DUXA: variants seen among roughly 807,000 people sequenced by gnomAD.
DUXA encodes double homeobox protein A.
A neutral mutation model predicts 27.5 loss-of-function variants in DUXA; 25 were observed. The observed-to-expected ratio is 0.91, with a 90% CI of 0.66 to 1.27. DUXA has a LOEUF of 1.27. DUXA is among the 50% of genes most tolerant of loss of function. The pLI, the probability that DUXA is intolerant of heterozygous loss-of-function variation, is 0.00. For missense variants in DUXA, 247 were observed against 242.9 expected, an observed-to-expected ratio of 1.02 and a Z score of -0.11; for synonymous variants, 90 against 80.5, an observed-to-expected ratio of 1.12 and a Z score of -0.63.
intron 4 of DUXA, among the ~76,000 whole-genome samples, chr19:57,155,647 A>AGATAGATAGATAGATAGAT (rs1555757942): frequency 1.5e-3 from 28 of 19,224 alleles, no homozygotes; most frequent in Non-Finnish European, 2.2e-3. Context: ...GCCCAACCCA[A>AGATAGATAGATAGATAGAT]GATAGATAGA....
rs1320907864 is a variant in DUXA, at chr19:57,160,040, G to A, written c.180+603C>T. Among the ~76,000 whole-genome samples, 10 of 152,190 alleles carry A rather than the reference G, an allele frequency of 6.6e-5. No individual in the cohort carries two copies. The East Asian group carries it at 1.7e-3, about 27-fold the overall frequency. ...GAATCACTTGAACTTGGGAGGCGGG[G>A]GTTTCAGCAAGCCAAGATCACACCA... On this transcript the variant is annotated intron_variant, in intron 2 of 5. Transcript: ENST00000554048.
rs868121891 is a variant in DUXA, at chr19:57,165,544, G to T, written c.25+1875C>A. On this transcript the variant is annotated intron_variant, in intron 1 of 5. Transcript: ENST00000554048. The stretch of plus-strand genomic sequence containing the variant: ...ACCCTGGCCGGGCACGGTGGCTCAC[G>T]CCTGTAATCCCAGCACTTTGGGAGG... 2.7e-5 allele frequency among the ~76,000 whole-genome samples: 4 copies of T among 150,472 alleles called. No homozygotes were observed. In the South Asian group the frequency reaches 8.4e-4, roughly 32 times the overall value.
intron 4 of DUXA, 125 bp downstream of exon 4, chr19:57,158,203 G>T: frequency 1.8e-6 from 2 of 1,104,334 alleles, no homozygotes; most frequent in Non-Finnish European, 2.7e-6. Flanking sequence ...CAGCAGACAG[G>T]GAACAGCTGT....
intron 1 of DUXA, among the ~76,000 whole-genome samples, chr19:57,165,324 A>AAATAT (rs1491567041): frequency 9.5e-4 from 85 of 89,270 alleles, no homozygotes; most frequent in Non-Finnish European, 1.5e-3. Flanking sequence ...AAAAAAAAAA[A>AAATAT]ATATATATAT....
intron 3 of DUXA, among the ~76,000 whole-genome samples, chr19:57,158,709 C>T (rs770971175): frequency 6.6e-6 from 1 of 152,246 alleles, no homozygotes; most frequent in Non-Finnish European, 1.5e-5. Flanking sequence ...AGAGGCCGGG[C>T]GCGGTGGCTC....
At position 57,154,351 on chromosome 19, in the gene DUXA, A is replaced by G; in HGVS notation, c.*61T>C. 1 of 1,483,106 alleles carries G rather than the reference A, an allele frequency of 6.7e-7. No individual in the cohort carries two copies. The highest frequency in any genetic ancestry group is 9.4e-7 in the Non-Finnish European group (1 of 1,063,778). The allele number at this position is 1,483,106 out of a possible 1,614,324, so 91.9% of individuals were successfully genotyped here. A position where few individuals can be genotyped will look rare whatever the true frequency, so the allele number is the denominator to read the frequency against. On this transcript the variant is annotated 3_prime_UTR_variant, in exon 6 of 6. Coordinates refer to ENST00000554048, the MANE Select transcript of DUXA (RefSeq NM_001012729.2). The stretch of plus-strand genomic sequence containing the variant: ...TCAGCAGAAGGATAGACTCCCAGGA[A>G]GACCGTGAGACAGATTTGGGGTCCA...
At chr19:57,162,281 G>C (rs1443760192) in intron 1 of DUXA, among the ~76,000 whole-genome samples, 1 of 152,118 alleles carries the variant, frequency 6.6e-6, no homozygotes, top group African/African-American at 2.4e-5. Context: ...ACACCACAGG[G>C]AGGACAAAAT....
intron 1 of DUXA, among the ~76,000 whole-genome samples, chr19:57,166,599 C>T (rs1462018718): frequency 6.6e-6 from 1 of 152,144 alleles, no homozygotes; most frequent in East Asian, 1.9e-4. Context: ...TGAGCCACGG[C>T]GCCCGGCCGC....
chr19:57,155,338 A>C lies in DUXA; in HGVS notation c.473T>G (p.Leu158Arg), dbSNP rs916849995. The C allele has an allele frequency of 1.2e-6, 2 of 1,614,162 alleles. No homozygotes were observed. The highest frequency in any genetic ancestry group is 1.7e-6 in the Non-Finnish European group (2 of 1,180,020). Reference protein sequence around the residue: ...WFQNRRSRLLLQRKREPVASL... With the variant: ...WFQNRRSRLLRQRKREPVASL... ...CGCCACAGGTTCCCTTTTTCTCTGG[A>C]GAAGTAATCTAGATCTTCGATTTTG... Residue 158 changes from leucine to arginine, a missense_variant, in exon 5 of 6, where the codon CTC becomes CGC. Leu to Arg is a moderately radical substitution (Grantham distance 102, BLOSUM62 -2). Coordinates refer to ENST00000554048, the MANE Select transcript of DUXA (RefSeq NM_001012729.2).
At chr19:57,154,565 T>TTA in intron 5 of DUXA, 83 bp from the exon 6 acceptor site, 2 of 1,175,226 alleles carry the variant, frequency 1.7e-6, no homozygotes, top group Non-Finnish European at 2.4e-6. Flanking sequence ...TTCCCACCTT[T>TTA]TCTTTTTTTT....
intron 2 of DUXA, 152 bp downstream of exon 2, chr19:57,160,491 G>T: frequency 2.2e-6 from 2 of 909,830 alleles, no homozygotes; most frequent in Non-Finnish European, 3.3e-6. Flanking sequence ...GTGAAGTGAG[G>T]CTAAGACCAA....
chr19:57,158,366 GTTC>G lies in DUXA; in HGVS notation c.397_399del (p.Glu133del), dbSNP rs757902413. The stretch of plus-strand genomic sequence containing the variant: ...TCTGGAACACCGATTTCTTTAGCAA[GTTC>G]TTCTCTGGAATCAATCCCAGGATAT... On this transcript the variant is annotated inframe_deletion, in exon 4 of 6. Transcript: ENST00000554048. 3 of 1,612,552 alleles carry G rather than the reference GTTC, an allele frequency of 1.9e-6. No individual in the cohort carries two copies. Among genetic ancestry groups the G allele is most frequent in the Non-Finnish European group, 1.7e-6 (2 of 1,179,962 alleles).
chr19:57,161,622 C>CA (rs546124208), intron 1 of DUXA, among the ~76,000 whole-genome samples: 24,062 of 126,112 alleles, frequency 0.19, 2,035 homozygotes, highest in African/African-American at 0.25. Flanking sequence ...GACTCCGTCT[C>CA]AAAAAAAAAA....
At chr19:57,164,444 G>A (rs1352037786) in intron 1 of DUXA, among the ~76,000 whole-genome samples, 1 of 152,088 alleles carries the variant, frequency 6.6e-6, no homozygotes, top group Non-Finnish European at 1.5e-5. Flanking sequence ...GCATGGTGGT[G>A]CATACCTGTA....
At chr19:57,163,445 C>T (rs995184891) in intron 1 of DUXA, among the ~76,000 whole-genome samples, 4 of 46,732 alleles carry the variant, frequency 8.6e-5, no homozygotes, top group African/African-American at 3.7e-4. Context: ...CACATCCTCT[C>T]TCTTTTTTTT....
Position 57,154,473 on chromosome 19 carries a change from T to A in DUXA, c.554A>T (p.Asp185Val). 6.2e-7 allele frequency: 1 copy of A among 1,613,456 alleles called. No individual in the cohort carries two copies. The highest frequency in any genetic ancestry group is 1.7e-4 in the Middle Eastern group (1 of 6,054). The change falls in exon 6 of 6, where the codon GAT becomes GTT. Residue 185 changes from aspartate to valine, a missense_variant. Coordinates refer to ENST00000554048, the MANE Select transcript of DUXA (RefSeq NM_001012729.2). ...KIPEGLQGAE[D>V]TQNGTNFTSD... is the part of the protein sequence containing the mutation. ...AGTGAAGTTGGTGCCATTTTGTGTA[T>A]CTTCTGCACCTAAGGAGGAAAAAAG...
intron 5 of DUXA, 78 bp downstream of exon 5, chr19:57,155,189 G>A: frequency 7.5e-7 from 1 of 1,333,782 alleles, no homozygotes. Context: ...AGGAGGAGCT[G>A]TCGGCTCCAC....
At chr19:57,159,349 A>G (rs1008635075) in intron 2 of DUXA, 71 bp from the exon 3 acceptor site, 2 of 1,366,672 alleles carry the variant, frequency 1.5e-6, no homozygotes, top group Admixed American at 3.7e-5. Flanking sequence ...CCTGTTCCCA[A>G]AGTGAGCAAT....
chr19:57,155,439 TTC>T, intron 4 of DUXA, 67 bp from the exon 5 acceptor site: 1 of 1,255,836 alleles, frequency 8.0e-7, no homozygotes, highest in Non-Finnish European at 1.1e-6. Flanking sequence ...GATTGCTTTC[TTC>T]TCTTTTTTCT....
Sources: allele counts gnomAD v4.1 joint callset (sites outside exome capture counted in the v4.1 genomes callset), GRCh38; gene constraint gnomAD v4.1.1; transcripts MANE v1.5; gene names NCBI Gene and HGNC (gene_info 2026-07-23, HGNC 2026-07-21).